OR7C1: variants seen among roughly 807,000 people sequenced by gnomAD.
OR7C1 encodes olfactory receptor 7C1.
For synonymous variants in OR7C1, 152 were observed against 160.7 expected (o/e 0.95, Z 0.41); for missense variants, 324 against 383.3 (o/e 0.85, Z 1.29).
chr19:14,800,278 G>A lies in OR7C1; in HGVS notation c.-36C>T. 1 of 932,024 alleles carries A rather than the reference G, an allele frequency of 1.1e-6. No individual in the cohort carries two copies. The allele number at this position is 932,024 out of a possible 1,614,324, so 57.7% of individuals were successfully genotyped here. A position where few individuals can be genotyped will look rare whatever the true frequency, so the allele number is the denominator to read the frequency against. ...TGCCTTTTTCTTGCTGTCTTTTTCT[G>A]GGGCATCTGAAATTCTTCCATCCTT... On this transcript the variant is annotated 5_prime_UTR_variant, in exon 4 of 5. It introduces an in-frame stop codon into an upstream open reading frame of the 5' UTR. Coordinates refer to ENST00000641666, the Ensembl canonical transcript of OR7C1.
chr19:14,828,986 G>A (rs1017998874), intron 1 of OR7C1, among the ~76,000 whole-genome samples: 5 of 151,972 alleles, frequency 3.3e-5, no homozygotes, highest in Admixed American at 6.6e-5. Context: ...GGGAACAGGC[G>A]CTTGGAAAAT....
At chr19:14,824,625 T>C (rs2044756797) in intron 1 of OR7C1, 1 of 152,216 alleles carries the variant, frequency 6.6e-6, no homozygotes, top group Admixed American at 6.5e-5. Context: ...CAATACACCA[T>C]TGATGAGCAC....
At chr19:14,824,542 C>T (rs1233001122) in intron 1 of OR7C1, 1 of 152,164 alleles carries the variant, frequency 6.6e-6, no homozygotes, top group Non-Finnish European at 1.5e-5. Context: ...CATGTAGCTA[C>T]AAAGGACATG....
At chr19:14,813,379 C>A (rs1181295386) in intron 1 of OR7C1, among the ~76,000 whole-genome samples, 1 of 151,800 alleles carries the variant, frequency 6.6e-6, no homozygotes, top group Non-Finnish European at 1.5e-5. Flanking sequence ...CTCGGTGAAA[C>A]CCTGTCTCTA....
chr19:14,810,874 C>T (rs1290946235), intron 1 of OR7C1, among the ~76,000 whole-genome samples: 1 of 151,550 alleles, frequency 6.6e-6, no homozygotes, highest in Admixed American at 6.6e-5. Flanking sequence ...CTGGGCTAAA[C>T]ACATTCATAT....
At chr19:14,802,381 G>A (rs905041433) in intron 2 of OR7C1, among the ~76,000 whole-genome samples, 3 of 152,140 alleles carry the variant, frequency 2.0e-5, no homozygotes, top group African/African-American at 4.8e-5. Flanking sequence ...TGAGCTGGGC[G>A]TGGTGGCACA....
intron 1 of OR7C1, among the ~76,000 whole-genome samples, chr19:14,818,720 AT>A (rs2044727887): frequency 6.6e-6 from 1 of 152,060 alleles, no homozygotes; most frequent in African/African-American, 2.4e-5. Flanking sequence ...TTTTGTATTT[AT>A]AGATGCGCTT....
chr19:14,833,255 G>C (rs1042598844), intron 1 of OR7C1, among the ~76,000 whole-genome samples: 1 of 152,234 alleles, frequency 6.6e-6, no homozygotes, highest in Non-Finnish European at 1.5e-5. Flanking sequence ...CAGGTGGGTG[G>C]ATCACTTGAG....
chr19:14,811,322 C>G (rs1490181734), intron 1 of OR7C1, among the ~76,000 whole-genome samples: 1 of 151,916 alleles, frequency 6.6e-6, no homozygotes, highest in African/African-American at 2.4e-5. Flanking sequence ...CTTTTCCATG[C>G]TCTATGGCTC....
chr19:14,799,427 G>A (rs2044627896), exon 5 of OR7C1: 3 of 1,614,194 alleles, frequency 1.9e-6, no homozygotes, highest in African/African-American at 1.3e-5. Context: ...GGTGGAAAAC[G>A]CTTTGTGCTT....
At chr19:14,827,789 C>A in intron 1 of OR7C1, 1 of 1,614,196 alleles carries the variant, frequency 6.2e-7, no homozygotes. Context: ...ACAGAGCACT[C>A]ATGGTCCAGG....
chr19:14,805,456 C>T (rs2044662303), intron 2 of OR7C1, among the ~76,000 whole-genome samples: 1 of 140,584 alleles, frequency 7.1e-6, no homozygotes, highest in African/African-American at 2.7e-5. Context: ...CACTCTGTCA[C>T]CCAGGCTGGA....
chr19:14,833,630 T>A (rs10414568), intron 1 of OR7C1, among the ~76,000 whole-genome samples: 43,277 of 152,138 alleles, frequency 0.28, 6,762 homozygotes, highest in East Asian at 0.56. Flanking sequence ...TTTTTATGGC[T>A]AATAAATTTC....
intron 1 of OR7C1, among the ~76,000 whole-genome samples, chr19:14,823,331 A>G (rs1568252306): frequency 1.3e-5 from 2 of 152,136 alleles, no homozygotes; most frequent in Non-Finnish European, 2.9e-5. Context: ...ATGTGCCTGT[A>G]ATCCCAGCTA....
chr19:14,828,177 C>T (rs1163023361), intron 1 of OR7C1: 1 of 1,613,654 alleles, frequency 6.2e-7, no homozygotes, highest in African/African-American at 1.3e-5. Context: ...GGGTTGCAGT[C>T]CAGGTTCTTG....
exon 1 of OR7C1, chr19:14,835,181 A>G (rs1190924977): frequency 1.3e-5 from 2 of 152,354 alleles, no homozygotes; most frequent in East Asian, 1.9e-4. Flanking sequence ...GCAGCAGGAA[A>G]GAGTCAAGCA....
intron 1 of OR7C1, among the ~76,000 whole-genome samples, chr19:14,810,382 T>TG (rs1555694750): frequency 9.3e-5 from 14 of 150,358 alleles, no homozygotes; most frequent in South Asian, 4.2e-4. Flanking sequence ...GTTTTTTTTT[T>TG]TTGTTTTTTG....
intron 1 of OR7C1, among the ~76,000 whole-genome samples, chr19:14,813,275 C>A (rs1599917169): frequency 6.6e-6 from 1 of 152,002 alleles, no homozygotes; most frequent in Non-Finnish European, 1.5e-5. Context: ...TACCACCCTG[C>A]CAGGCGCAGT....
chr19:14,829,807 C>T (rs145770616), intron 1 of OR7C1, among the ~76,000 whole-genome samples: 377 of 152,252 alleles, frequency 2.5e-3, no homozygotes, highest in Non-Finnish European at 4.2e-3. Context: ...GAGGCCAGGT[C>T]CCTCTTGCTC....
Sources: allele counts gnomAD v4.1 joint callset (sites outside exome capture counted in the v4.1 genomes callset), GRCh38; gene constraint gnomAD v4.1.1; transcripts MANE v1.5; gene names NCBI Gene and HGNC (gene_info 2026-07-23, HGNC 2026-07-21).